The following NLGN1 variants were observed in gnomAD, a reference collection of about 807,000 sequenced individuals.
NLGN1 encodes the protein neuroligin 1, also known as neuroligin-1.
A neutral mutation model predicts 65.5 loss-of-function variants in NLGN1; 12 were observed. That is an observed-to-expected ratio of 0.18 (90% CI 0.12 to 0.30). The LOEUF (loss-of-function observed/expected upper bound fraction) is 0.30. Among genes scored for constraint, NLGN1 ranks in the 10% least tolerant of loss-of-function variants. The pLI, the probability that NLGN1 is intolerant of heterozygous loss-of-function variation, is 1.00. For synonymous variants in NLGN1, 350 were observed against 359.5 expected, an observed-to-expected ratio of 0.97 and a Z score of 0.30; for missense variants, 750 against 1,007.1, an observed-to-expected ratio of 0.74 and a Z score of 3.46.
intron 2 of NLGN1, among the ~76,000 whole-genome samples, chr3:173,508,410 A>G (rs1228091287): frequency 1.3e-5 from 2 of 152,136 alleles, no homozygotes; most frequent in Non-Finnish European, 2.9e-5. Context: ...CTTGGTCTTG[A>G]TTGAGATACC....
At chr3:174,141,148 A>G (rs1305445578) in intron 4 of NLGN1, among the ~76,000 whole-genome samples, 1 of 152,106 alleles carries the variant, frequency 6.6e-6, no homozygotes, top group African/African-American at 2.4e-5. Flanking sequence ...TTTCCATGCC[A>G]TTTAAGTAAT....
intron 4 of NLGN1, among the ~76,000 whole-genome samples, chr3:174,255,435 CAAAAAA>C (rs71162383): frequency 1.4e-5 from 1 of 70,220 alleles, no homozygotes; most frequent in Admixed American, 1.9e-4. Context: ...GACTCTGTCT[CAAAAAA>C]AAAAAAAAAA....
chr3:173,575,133 C>G (rs929386398), intron 2 of NLGN1, among the ~76,000 whole-genome samples: 3 of 152,200 alleles, frequency 2.0e-5, no homozygotes, highest in Middle Eastern at 3.4e-3. Context: ...AGGCCTTGGC[C>G]TCCCAAAGCC....
At chr3:174,027,318 T>C (rs567151590) in intron 4 of NLGN1, among the ~76,000 whole-genome samples, 8 of 152,162 alleles carry the variant, frequency 5.3e-5, no homozygotes, top group Non-Finnish European at 1.5e-5. Flanking sequence ...TACCCTGTTC[T>C]CCAACATTCG....
intron 4 of NLGN1, among the ~76,000 whole-genome samples, chr3:173,881,002 CTTTGCTCA>C (rs955392690): frequency 6.6e-6 from 1 of 151,076 alleles, no homozygotes; most frequent in Non-Finnish European, 1.5e-5. Flanking sequence ...AAACCACTTT[CTTTGCTCA>C]TTCATAATAA....
intron 3 of NLGN1, among the ~76,000 whole-genome samples, chr3:173,752,498 C>A (rs545387377): frequency 1.3e-5 from 2 of 152,100 alleles, no homozygotes; most frequent in Non-Finnish European, 2.9e-5. Context: ...TCCAACCCAG[C>A]ACTGTAGTTG....
chr3:173,500,279 C>T (rs913591643), intron 2 of NLGN1, among the ~76,000 whole-genome samples: 6 of 152,128 alleles, frequency 3.9e-5, no homozygotes, highest in African/African-American at 1.4e-4. Context: ...TGAATTTTGT[C>T]AAAGGCCTTT....
rs142696142 is a variant in NLGN1 at position 173,910,267 on chromosome 3, A to G, written c.646+102435A>G. Reference sequence around the variant, plus strand: ...GGATGGGGCTTCAGATTCTGCAATTATAACAAGCCTTTTGATGCTGCTGCT... The same window carrying G: ...GGATGGGGCTTCAGATTCTGCAATTGTAACAAGCCTTTTGATGCTGCTGCT... On this transcript the variant is annotated intron_variant, in intron 4 of 6. Coordinates refer to ENST00000457714, the Ensembl canonical transcript of NLGN1. Among the ~76,000 whole-genome samples the G allele has an allele frequency of 3.3e-3, 505 of 152,330 alleles. 2 individuals are homozygous for G. The highest frequency in any genetic ancestry group is 0.012 in the African/African-American group (480 of 41,582).
At chr3:174,142,543 T>G (rs1428500588) in intron 4 of NLGN1, among the ~76,000 whole-genome samples, 1 of 152,228 alleles carries the variant, frequency 6.6e-6, no homozygotes, top group African/African-American at 2.4e-5. Context: ...CAGTACTGAT[T>G]TACAGTAGAA....
chr3:173,592,617 C>G (rs1258292719), intron 2 of NLGN1, among the ~76,000 whole-genome samples: 1 of 152,132 alleles, frequency 6.6e-6, no homozygotes, highest in Non-Finnish European at 1.5e-5. Flanking sequence ...GGTCAAGCAT[C>G]ACAGATGGAT....
chr3:174,205,646 C>G (rs1210747033), intron 4 of NLGN1, among the ~76,000 whole-genome samples: 1 of 152,110 alleles, frequency 6.6e-6, no homozygotes, highest in Non-Finnish European at 1.5e-5. Flanking sequence ...CAAAAATGAA[C>G]TAAATCACCT....
chr3:174,086,303 A>G (rs1414311489), intron 4 of NLGN1, among the ~76,000 whole-genome samples: 2 of 150,364 alleles, frequency 1.3e-5, no homozygotes, highest in East Asian at 1.9e-4. Context: ...ATATTTATGT[A>G]TGTGCATAAA....
chr3:174,048,578 T>C (rs1050527014), intron 4 of NLGN1, among the ~76,000 whole-genome samples: 3 of 150,716 alleles, frequency 2.0e-5, no homozygotes, highest in African/African-American at 7.3e-5. Flanking sequence ...ATTAGAGATA[T>C]GAAAAAAAAA....
At chr3:173,773,731 G>T (rs1050059606) in intron 3 of NLGN1, among the ~76,000 whole-genome samples, 1 of 152,020 alleles carries the variant, frequency 6.6e-6, no homozygotes, top group Non-Finnish European at 1.5e-5. Flanking sequence ...GAGGTGGGTA[G>T]GTTCATAAAT....
At chr3:173,731,036 G>A (rs924880709) in intron 3 of NLGN1, among the ~76,000 whole-genome samples, 3 of 151,996 alleles carry the variant, frequency 2.0e-5, no homozygotes, top group Non-Finnish European at 4.4e-5. Flanking sequence ...CTCTTGGAGC[G>A]GCTCTGCAGA....
At chr3:173,409,498 A>G (rs114153898) in intron 1 of NLGN1, among the ~76,000 whole-genome samples, 47 of 152,268 alleles carry the variant, frequency 3.1e-4, no homozygotes, top group African/African-American at 1.1e-3. Context: ...TCTAGCATTC[A>G]TCTATCAGTC....
intron 4 of NLGN1, among the ~76,000 whole-genome samples, chr3:174,164,616 G>A (rs1015944100): frequency 5.3e-5 from 8 of 151,936 alleles, no homozygotes; most frequent in African/African-American, 1.7e-4. Flanking sequence ...TAAATAGGGA[G>A]TCATTTCTTT....
At chr3:174,143,539 A>G (rs1264463655) in intron 4 of NLGN1, among the ~76,000 whole-genome samples, 1 of 152,208 alleles carries the variant, frequency 6.6e-6, no homozygotes, top group Non-Finnish European at 1.5e-5. Context: ...TTTGTGCTAA[A>G]AAGCAGCCAG....
At chr3:173,899,276 CAG>C (rs1736898162) in intron 4 of NLGN1, among the ~76,000 whole-genome samples, 1 of 152,008 alleles carries the variant, frequency 6.6e-6, no homozygotes, top group African/African-American at 2.4e-5. Context: ...GATATAGAGT[CAG>C]AGCAATTAAC....
Sources: gnomAD v4.1 joint callset for allele counts (sites outside exome capture counted in the v4.1 genomes callset) on GRCh38, gnomAD v4.1.1 for gene constraint, MANE v1.5 for transcripts, NCBI Gene and HGNC (gene_info 2026-07-23, HGNC 2026-07-21) for gene names.